The following ABCG1 variants were observed in gnomAD, a reference collection of about 807,000 sequenced individuals.
ABCG1 encodes ATP binding cassette subfamily G member 1.
Under a neutral mutation model 69.2 loss-of-function variants are expected in ABCG1, and 29 were observed. The observed-to-expected ratio is 0.42, with a 90% CI of 0.31 to 0.57. ABCG1 has a LOEUF of 0.57. ABCG1 is among the 20% of genes least tolerant of loss of function. ABCG1 has a pLI of 0.15. For synonymous variants in ABCG1, 370 were observed against 374.8 expected (o/e 0.99, Z 0.15); for missense variants, 718 against 898.1 (o/e 0.80, Z 2.56).
chr21:42,266,049 C>G (rs2068498811), intron 2 of ABCG1, among the ~76,000 whole-genome samples: 1 of 152,146 alleles, frequency 6.6e-6, no homozygotes, highest in African/African-American at 2.4e-5. Context: ...CATCTGTAAT[C>G]CCAGCACTTT....
intron 6 of ABCG1, 57 bp downstream of exon 6, chr21:42,282,476 G>C: frequency 6.4e-7 from 1 of 1,553,620 alleles, no homozygotes; most frequent in South Asian, 1.2e-5. Flanking sequence ...CCTGTATTCA[G>C]CGGTTCTTCC....
At chr21:42,204,150 T>C (rs1601326960) in intron 2 of ABCG1, among the ~76,000 whole-genome samples, 2 of 152,220 alleles carry the variant, frequency 1.3e-5, no homozygotes, top group South Asian at 4.1e-4. Flanking sequence ...TGTGGATAGA[T>C]TGGGATTTCC....
At chr21:42,254,799 G>A (rs905141189) in intron 2 of ABCG1, among the ~76,000 whole-genome samples, 2 of 152,166 alleles carry the variant, frequency 1.3e-5, no homozygotes, top group Non-Finnish European at 2.9e-5. Context: ...AAGACAGCCC[G>A]TTCTGAGCAG....
intron 2 of ABCG1, among the ~76,000 whole-genome samples, chr21:42,267,050 C>T (rs998424618): frequency 1.3e-5 from 2 of 152,218 alleles, no homozygotes; most frequent in Non-Finnish European, 2.9e-5. Flanking sequence ...TGCATCATTT[C>T]TTCTTAGCAT....
At chr21:42,292,949 C>A (rs1303783207) in intron 13 of ABCG1, among the ~76,000 whole-genome samples, 1 of 138,688 alleles carries the variant, frequency 7.2e-6, no homozygotes, top group African/African-American at 2.7e-5. Context: ...TAAACACATA[C>A]GACACTACAC....
rs749898392 is a variant in ABCG1, at chr21:42,273,340, C to A, written c.442C>A (p.Leu148Met). The A allele has an allele frequency of 1.2e-6, 2 of 1,613,820 alleles. No individual in the cohort carries two copies. The highest frequency in any genetic ancestry group is 3.3e-5 in the Admixed American group (2 of 60,022). ...GAAGGGGGCCGTCCTCATCAACGGC[C>A]TGCCCCGGGACCTGCGCTGCTTCCG... Reference protein sequence around the residue: ...GMKGAVLINGLPRDLRCFRKV... With the variant: ...GMKGAVLINGMPRDLRCFRKV... The change falls in exon 4 of 15, where the codon CTG becomes ATG. Residue 148 changes from leucine to methionine, a missense_variant. Physicochemically the swap from Leu to Met is conservative, Grantham distance 15. Coordinates refer to ENST00000398449, the MANE Select transcript of ABCG1 (RefSeq NM_016818.3). The surrounding 1 kb of genome is among the most constrained non-coding windows in gnomAD (Gnocchi z 5.3).
At chr21:42,253,529 T>C (rs1005291276) in intron 2 of ABCG1, among the ~76,000 whole-genome samples, 2 of 152,178 alleles carry the variant, frequency 1.3e-5, no homozygotes, top group African/African-American at 4.8e-5. Context: ...GCAGTCACGA[T>C]GCCATTGGAC....
chr21:42,266,436 C>T (rs1013378801), intron 2 of ABCG1, among the ~76,000 whole-genome samples: 1 of 152,128 alleles, frequency 6.6e-6, no homozygotes, highest in Non-Finnish European at 1.5e-5. Context: ...CTCTGAAGGA[C>T]CAGCATGCTC....
intron 2 of ABCG1, among the ~76,000 whole-genome samples, chr21:42,209,252 C>CTGCCTGG (rs1355887764): frequency 4.6e-5 from 7 of 152,224 alleles, no homozygotes; most frequent in Non-Finnish European, 1.0e-4. Flanking sequence ...AAAATGTGGG[C>CTGCCTGG]TGCCTGGTGC....
rs541703251 is a variant in ABCG1 at position 42,293,781 on chromosome 21, CACAA to C, written c.1654-757_1654-754del. Among the ~76,000 whole-genome samples, 224 of 151,298 alleles carry C rather than the reference CACAA, an allele frequency of 1.5e-3. 3 individuals are homozygous for C. Among genetic ancestry groups the C allele is most frequent in the Admixed American group, 0.012 (179 of 15,206 alleles). ...TACATACCACATACCACACCCTACA[CACAA>C]ACACACACTACACACTACATGCTAT... On this transcript the variant is annotated intron_variant, in intron 13 of 14. Coordinates refer to ENST00000398449, the MANE Select transcript of ABCG1 (RefSeq NM_016818.3).
intron 2 of ABCG1, among the ~76,000 whole-genome samples, chr21:42,227,908 C>T (rs868562441): frequency 4.9e-4 from 75 of 152,246 alleles, no homozygotes; most frequent in Middle Eastern, 3.4e-3. Flanking sequence ...AGAACTCCCT[C>T]ACTATCATGA....
chr21:42,221,005 AATGTT>A (rs1356056533), intron 1 of ABCG1, among the ~76,000 whole-genome samples: 3 of 152,214 alleles, frequency 2.0e-5, no homozygotes, highest in African/African-American at 7.2e-5. Flanking sequence ...GTTTTTAAAA[AATGTT>A]ATATTATCAT....
chr21:42,281,416 G>A (rs2068805787), intron 5 of ABCG1, among the ~76,000 whole-genome samples: 1 of 152,246 alleles, frequency 6.6e-6, no homozygotes, highest in African/African-American at 2.4e-5. Context: ...GCAGCACCAA[G>A]CCAGCACAGA....
rs1459306573 is a variant in ABCG1, at chr21:42,291,620, G to A, written c.1617G>A (p.Leu539=). ...GTMTSLVAQS[L]GLLIGAASTS... Reference sequence around the variant, plus strand: ...TGACCTCCCTGGTGGCACAGTCCCTGGGCCTGCTGATCGGAGCCGCCTCCA... The same window carrying A: ...TGACCTCCCTGGTGGCACAGTCCCTAGGCCTGCTGATCGGAGCCGCCTCCA... The change falls in exon 13 of 15, where the codon CTG becomes CTA. Residue 539 remains leucine (L), a synonymous_variant. Coordinates refer to ENST00000398449, the MANE Select transcript of ABCG1 (RefSeq NM_016818.3). The surrounding 1 kb of genome is among the most constrained non-coding windows in gnomAD (Gnocchi z 6.4). The A allele has an allele frequency of 3.7e-6, 6 of 1,608,150 alleles. No individual in the cohort carries two copies. Among genetic ancestry groups the A allele is most frequent in the Non-Finnish European group, 5.1e-6 (6 of 1,179,774 alleles).
chr21:42,216,333 T>C (rs956646674), upstream of ABCG1: 14 of 332,080 alleles, frequency 4.2e-5, no homozygotes, highest in African/African-American at 2.2e-4. Flanking sequence ...CAGAAATTTC[T>C]GTTGGGGTTG....
At chr21:42,280,782 G>C (rs933379161) in intron 5 of ABCG1, among the ~76,000 whole-genome samples, 1 of 152,238 alleles carries the variant, frequency 6.6e-6, no homozygotes. Context: ...GGAAGCACCA[G>C]AGCCACTCAG....
chr21:42,283,506 A>G (rs981770523), intron 6 of ABCG1, among the ~76,000 whole-genome samples: 2 of 152,170 alleles, frequency 1.3e-5, no homozygotes, highest in Non-Finnish European at 2.9e-5. Flanking sequence ...GCTGGAGTAA[A>G]GCCCACCTGG....
rs145597015 is a variant in ABCG1 at position 42,271,182 on chromosome 21, A to G, written c.399A>G (p.Gly133=). 81 of 1,559,266 alleles carry G rather than the reference A, an allele frequency of 5.2e-5. 1 individual carries two copies. Among genetic ancestry groups the G allele is most frequent in the Non-Finnish European group, 6.5e-5 (75 of 1,156,066 alleles). Residue 133 remains glycine (G), a synonymous_variant, in exon 3 of 15, where the codon GGA becomes GGG. Transcript: ENST00000398449. ...CCACGCTGATGAACATCCTGGCTGG[A>G]TACAGGTGAGCAGCCCTGCCCAGGG... ...GKSTLMNILA[G]YRETGMKGAV...
rs760915649 is a variant in ABCG1, at chr21:42,287,540, G to A, written c.974-349G>A. Among the ~76,000 whole-genome samples, 25 of 152,200 alleles carry A rather than the reference G, an allele frequency of 1.6e-4. No individual in the cohort carries two copies. Among genetic ancestry groups the A allele is most frequent in the Non-Finnish European group, 1.0e-4 (7 of 68,030 alleles). ...GGAGTCCCTCAGGGAGGAGTCCTTC[G>A]TTCTGCTCCCTTCCCAGCTCCACCT... On this transcript the variant is annotated intron_variant, in intron 8 of 14. Coordinates refer to ENST00000398449, the MANE Select transcript of ABCG1 (RefSeq NM_016818.3). The surrounding 1 kb of genome is among the most constrained non-coding windows in gnomAD (Gnocchi z 6.2).
Sources: gnomAD v4.1 joint callset for allele counts (sites outside exome capture counted in the v4.1 genomes callset) on GRCh38, gnomAD v4.1.1 for gene constraint, Gnocchi (gnomAD v3.1) non-coding constraint, MANE v1.5 for transcripts, NCBI Gene and HGNC (gene_info 2026-07-23, HGNC 2026-07-21) for gene names.